The following TMEM87A variants were observed in gnomAD, a reference collection of about 807,000 sequenced individuals.
The protein encoded by TMEM87A is Golgi-pH regulating cation channel.
Under a neutral mutation model 90.0 loss-of-function variants are expected in TMEM87A, and 50 were observed. That is an observed-to-expected ratio of 0.56 (90% CI 0.44 to 0.70). The LOEUF (loss-of-function observed/expected upper bound fraction) is 0.70. Ranked by LOEUF, TMEM87A falls within the 30% of genes least tolerant of loss-of-function variation. The probability of loss-of-function intolerance (pLI) is 0.00; values close to 1 mark genes in which losing one functional copy is unlikely to be tolerated. For synonymous variants in TMEM87A, 226 were observed against 226.7 expected (o/e 1.00, Z 0.03); for missense variants, 577 against 660.5 (o/e 0.87, Z 1.39).
intron 15 of TMEM87A, among the ~76,000 whole-genome samples, chr15:42,226,433 G>A (rs2050595419): frequency 6.6e-6 from 1 of 151,792 alleles, no homozygotes. Context: ...GATATGCACT[G>A]GAAAAAACAA....
Position 42,240,668 on chromosome 15 carries a change from C to A in TMEM87A, c.623-937G>T, listed in dbSNP as rs541198220. On this transcript the variant is annotated intron_variant, in intron 7 of 19. Transcript: ENST00000389834. ...ATTGATAAAATAATTTGGATAAATT[C>A]TAGGCATAATTAATAAATAAAAATC... Among the ~76,000 whole-genome samples the A allele has an allele frequency of 3.1e-4, 47 of 152,130 alleles. 1 individual carries two copies. In the East Asian group the frequency reaches 8.7e-3, roughly 28 times the overall value.
chr15:42,272,570 T>C (rs1170520261), intron 1 of TMEM87A: 2 of 202,902 alleles, frequency 9.9e-6, no homozygotes, highest in African/African-American at 4.7e-5. Context: ...CTGGTTTTTG[T>C]CTGCTCACAG....
intron 3 of TMEM87A, among the ~76,000 whole-genome samples, chr15:42,266,059 T>G (rs2051397133): frequency 6.6e-6 from 1 of 152,208 alleles, no homozygotes; most frequent in Non-Finnish European, 1.5e-5. Flanking sequence ...CTTCTCTGTT[T>G]CATTGGTCTT....
chr15:42,245,618 G>A (rs966034507), intron 6 of TMEM87A, among the ~76,000 whole-genome samples: 49 of 147,292 alleles, frequency 3.3e-4, no homozygotes, highest in South Asian at 1.5e-3. Flanking sequence ...TCCGCCTCCC[G>A]GGTTCAAGCA....
At chr15:42,267,579 T>A (rs1245932600) in intron 3 of TMEM87A, among the ~76,000 whole-genome samples, 1 of 152,156 alleles carries the variant, frequency 6.6e-6, no homozygotes, top group Admixed American at 6.5e-5. Flanking sequence ...TTTACAAAAA[T>A]ACAAAACAAT....
At chr15:42,213,035 T>C (rs2050320110) in intron 19 of TMEM87A, among the ~76,000 whole-genome samples, 1 of 152,144 alleles carries the variant, frequency 6.6e-6, no homozygotes, top group Admixed American at 6.5e-5. Flanking sequence ...TCTTCTGCAC[T>C]ATAGGAAAGC....
chr15:42,245,525 T>TTC (rs1463102431), intron 6 of TMEM87A, among the ~76,000 whole-genome samples: 2 of 147,130 alleles, frequency 1.4e-5, no homozygotes, highest in Non-Finnish European at 3.0e-5. Context: ...TATTACTTTT[T>TTC]TTTTTTTTTT....
At chr15:42,253,518 C>T (rs1392411706) in intron 6 of TMEM87A, among the ~76,000 whole-genome samples, 1 of 152,144 alleles carries the variant, frequency 6.6e-6, no homozygotes, top group Non-Finnish European at 1.5e-5. Flanking sequence ...AAAGTTAAGT[C>T]CTGGCAAGGT....
chr15:42,225,213 T>C (rs752729109), intron 15 of TMEM87A, among the ~76,000 whole-genome samples: 24 of 152,146 alleles, frequency 1.6e-4, no homozygotes, highest in Non-Finnish European at 3.1e-4. Context: ...GGTCTGGTTA[T>C]AAAATTAGTC....
At chr15:42,254,556 A>G (rs889234893) in intron 6 of TMEM87A, among the ~76,000 whole-genome samples, 1 of 152,252 alleles carries the variant, frequency 6.6e-6, no homozygotes, top group Non-Finnish European at 1.5e-5. Flanking sequence ...ACCAGAAGAC[A>G]TGGAGGAAAC....
intron 1 of TMEM87A, among the ~76,000 whole-genome samples, 184 bp from the exon 2 acceptor site, chr15:42,272,307 A>C (rs2140999012): frequency 6.6e-6 from 1 of 152,358 alleles, no homozygotes; most frequent in East Asian, 1.9e-4. Context: ...TTTCTAATGA[A>C]CTATTCTGTG....
intron 6 of TMEM87A, among the ~76,000 whole-genome samples, chr15:42,260,273 C>G (rs1056861510): frequency 2.0e-5 from 3 of 152,166 alleles, no homozygotes; most frequent in Admixed American, 6.5e-5. Context: ...TACTTGGAGT[C>G]TGAGGCAGGA....
At chr15:42,267,513 TGAA>T (rs1245737026) in intron 3 of TMEM87A, among the ~76,000 whole-genome samples, 1 of 152,124 alleles carries the variant, frequency 6.6e-6, no homozygotes, top group Non-Finnish European at 1.5e-5. Context: ...ACAGACTGAG[TGAA>T]GGAGGGAATA....
Position 42,228,721 on chromosome 15 carries a change from C to A in TMEM87A, c.1231G>T (p.Ala411Ser), listed in dbSNP as rs1193239337. Reference protein sequence around the residue: ...YRHFTNTLILAVAASIVFIIW... With the variant: ...YRHFTNTLILSVAASIVFIIW... ...AAAGTCCCAGACTTACCTGCCACTG[C>A]CAAAATAAGCGTGTTGGTGAAATGC... is the stretch of plus-strand genomic sequence containing the variant. The change falls in exon 13 of 20, where the codon GCA (alanine) becomes TCA (serine). Residue 411 changes from alanine to serine, a missense_variant. Transcript: ENST00000389834. The A allele has an allele frequency of 8.7e-6, 14 of 1,613,626 alleles. No homozygotes were observed. Among genetic ancestry groups the A allele is most frequent in the Non-Finnish European group, 1.1e-5 (13 of 1,179,856 alleles).
chr15:42,213,935 T>G (rs1010136058), intron 19 of TMEM87A, among the ~76,000 whole-genome samples: 1 of 152,090 alleles, frequency 6.6e-6, no homozygotes, highest in Non-Finnish European at 1.5e-5. Flanking sequence ...TGAAAGAGAA[T>G]GCAAAACAAC....
At chr15:42,239,449 T>A (rs2050832928) in intron 8 of TMEM87A, among the ~76,000 whole-genome samples, 1 of 152,182 alleles carries the variant, frequency 6.6e-6, no homozygotes, top group Admixed American at 6.5e-5. Flanking sequence ...TTTCCACAGG[T>A]CACTGACCCC....
chr15:42,220,494 C>T (rs1406725239), intron 15 of TMEM87A, among the ~76,000 whole-genome samples: 2 of 152,198 alleles, frequency 1.3e-5, no homozygotes, highest in Admixed American at 6.5e-5. Flanking sequence ...TAGAACAATA[C>T]CTGTCACATT....
In TMEM87A at chr15:42,226,846, CA is replaced by C; in HGVS notation, c.1362del (p.Phe454LeufsTer35). On this transcript the variant is annotated frameshift_variant, in exon 15 of 20. Transcript: ENST00000389834. LOFTEE classifies it high-confidence loss of function. ...IWRLLFSMIL[F>X]VIMVLWRPSA... is the part of the protein sequence containing the mutation. ...GATGGTCGCCAGAGAACCATGATGA[CA>C]AAGAGGATCATGGAGAACAGCAAGC... is the stretch of plus-strand genomic sequence containing the variant. 1 of 1,614,116 alleles carries C rather than the reference CA, an allele frequency of 6.2e-7. No individual in the cohort carries two copies. The highest frequency in any genetic ancestry group is 8.5e-7 in the Non-Finnish European group (1 of 1,180,038).
At chr15:42,266,653 A>G (rs1474459316) in intron 3 of TMEM87A, among the ~76,000 whole-genome samples, 1 of 152,224 alleles carries the variant, frequency 6.6e-6, no homozygotes, top group Non-Finnish European at 1.5e-5. Context: ...TAGCAGTCAT[A>G]TTCTTCATAG....
Sources: gnomAD v4.1 joint callset for allele counts (sites outside exome capture counted in the v4.1 genomes callset) on GRCh38, gnomAD v4.1.1 for gene constraint, MANE v1.5 for transcripts, NCBI Gene and HGNC (gene_info 2026-07-23, HGNC 2026-07-21) for gene names.